The following TCP1 variants were observed in gnomAD, a reference collection of about 807,000 sequenced individuals.
The protein encoded by TCP1 is t-complex 1.
A neutral mutation model predicts 54.7 loss-of-function variants in TCP1; 6 were observed. That is an observed-to-expected ratio of 0.11 (90% CI 0.06 to 0.22). The LOEUF (loss-of-function observed/expected upper bound fraction) is 0.22, where lower values mean the gene tolerates loss of function less well. TCP1 is among the 10% of genes least tolerant of loss of function. The pLI is 1.00. For missense variants in TCP1, 511 were observed against 678.2 expected (o/e 0.75, Z 2.74); for synonymous variants, 225 against 229.7 (o/e 0.98, Z 0.19).
At chr6:159,787,698 C>T (rs749899903) in intron 3 of TCP1, 45 bp downstream of exon 3, 5 of 1,587,050 alleles carry the variant, frequency 3.2e-6, no homozygotes, top group East Asian at 2.3e-5. Flanking sequence ...TTCTGAAAGT[C>T]GGTCGTTTTT....
chr6:159,787,945 T>G (rs1199335667), intron 2 of TCP1, 74 bp from the exon 3 acceptor site: 3 of 1,606,568 alleles, frequency 1.9e-6, no homozygotes, highest in South Asian at 1.1e-5. Context: ...CACGTTCACC[T>G]TTAATATCAC....
At chr6:159,782,109 T>C (rs762424551) in intron 7 of TCP1, among the ~76,000 whole-genome samples, 10 of 152,170 alleles carry the variant, frequency 6.6e-5, no homozygotes, top group Non-Finnish European at 1.2e-4. Context: ...GAGAGTTTAG[T>C]TGAGGACAAG....
Position 159,779,393 on chromosome 6 carries a change from CA to C in TCP1, c.1455-133del. On this transcript the variant is annotated intron_variant, in intron 11 of 11. Coordinates refer to ENST00000321394, the MANE Select transcript of TCP1 (RefSeq NM_030752.3). ...GAGATCTTGTAGGTAGTCTTTCTAC[CA>C]AAAGAAGCAGGGAGAGATTAGCAAT... The C allele has an allele frequency of 2.0e-6, 2 of 990,746 alleles. 1 individual carries two copies. Among genetic ancestry groups the C allele is most frequent in the South Asian group, 3.3e-5 (2 of 61,140 alleles). The allele number at this position is 990,746 out of a possible 1,614,324, so 61.4% of individuals were successfully genotyped here. A position where few individuals can be genotyped will look rare whatever the true frequency, so the allele number is the denominator to read the frequency against.
Position 159,778,883 on chromosome 6 carries a change from G to A in TCP1, c.*162C>T. On this transcript the variant is annotated 3_prime_UTR_variant, in exon 12 of 12. Transcript: ENST00000321394. ...TCTTTTTAAACTAATAAAGTACTAG[G>A]TTGCAATATGTGAAATCAGAGGACC... 3 of 1,607,170 alleles carry A rather than the reference G, an allele frequency of 1.9e-6. No homozygotes were observed. The highest frequency in any genetic ancestry group is 2.6e-6 in the Non-Finnish European group (3 of 1,175,352).
At chr6:159,787,948 A>C (rs752599268) in intron 2 of TCP1, 77 bp from the exon 3 acceptor site, 24 of 1,605,928 alleles carry the variant, frequency 1.5e-5, no homozygotes, top group Non-Finnish European at 2.6e-6. Flanking sequence ...GTTCACCTTT[A>C]ATATCACCTT....
chr6:159,778,761 AGTC>A lies in TCP1; in HGVS notation c.*281_*283del. On this transcript the variant is annotated 3_prime_UTR_variant, in exon 12 of 12. Transcript: ENST00000321394. ...ACACACACTGGAGAGAATGGGCAGAAGTCGTGGTGTTGCAGCCCTGTGCATTGG... is the reference window on the plus strand; with the variant it reads ...ACACACACTGGAGAGAATGGGCAGAAGTGGTGTTGCAGCCCTGTGCATTGG... The A allele has an allele frequency of 2.5e-6, 4 of 1,614,244 alleles. No individual in the cohort carries two copies. Among genetic ancestry groups the A allele is most frequent in the Non-Finnish European group, 3.4e-6 (4 of 1,180,038 alleles).
intron 7 of TCP1, among the ~76,000 whole-genome samples, chr6:159,781,916 CTG>C (rs536911190): frequency 6.6e-6 from 1 of 152,182 alleles, no homozygotes; most frequent in Non-Finnish European, 1.5e-5. Context: ...AGTATATCAT[CTG>C]TGTTTTCAAA....
intron 5 of TCP1, 75 bp downstream of exon 5, chr6:159,785,311 G>A: frequency 8.9e-7 from 1 of 1,119,516 alleles, no homozygotes; most frequent in Non-Finnish European, 1.3e-6. Flanking sequence ...GGGACTACAG[G>A]CACATACCAC....
chr6:159,785,585 CG>C (rs777353778), intron 4 of TCP1, 89 bp from the exon 5 acceptor site: 2 of 1,055,412 alleles, frequency 1.9e-6, no homozygotes, highest in African/African-American at 1.6e-5. Flanking sequence ...GCCAAAATGT[CG>C]TAAGTAATAA....
At position 159,780,009 on chromosome 6, in the gene TCP1, T is replaced by C; in HGVS notation, c.1176A>G (p.Leu392=). The C allele has an allele frequency of 6.2e-7, 1 of 1,614,154 alleles. No homozygotes were observed. The highest frequency in any genetic ancestry group is 1.1e-5 in the South Asian group (1 of 91,084). ...TCTTCACTACACAAAGTGCATCATG[T>C]AAAGAGCGCTCCATCTCATCACACA... ...DFMCDEMERS[L]HDALCVVKRV... The change falls in exon 10 of 12, where the codon TTA becomes TTG. Residue 392 remains leucine, a synonymous_variant. Coordinates refer to ENST00000321394, the MANE Select transcript of TCP1 (RefSeq NM_030752.3).
At chr6:159,788,397 G>A (rs1240856886) in intron 1 of TCP1, 2 of 407,514 alleles carry the variant, frequency 4.9e-6, no homozygotes, top group Non-Finnish European at 9.1e-6. Context: ...AGACCCCTTT[G>A]GGCAACATAG....
chr6:159,788,062 A>G lies in TCP1; in HGVS notation c.146T>C (p.Ile49Thr). Residue 49 changes from isoleucine (I) to threonine (T), a missense_variant, in exon 2 of 12, where the codon ATT (isoleucine) becomes ACT (threonine). Physicochemically the swap from Ile to Thr is moderately conservative, Grantham distance 89 (BLOSUM62 -1). Around this residue, in one of 5 missense-constraint regions of TCP1, gnomAD observed 54 missense variants for 111.8 expected, o/e 0.48. Transcript: ENST00000321394. Reference sequence around the variant, plus strand: ...ACAACAGTTATGTGTACTTACACCAATATCATCCACCAACATTTTATCCAA... The same window carrying G: ...ACAACAGTTATGTGTACTTACACCAGTATCATCCACCAACATTTTATCCAA... ...VGLDKMLVDDIGDVTITNDGA... is the reference protein window; with the variant it reads ...VGLDKMLVDDTGDVTITNDGA... The G allele has an allele frequency of 1.2e-6, 2 of 1,614,086 alleles. No individual in the cohort carries two copies. The highest frequency in any genetic ancestry group is 1.1e-5 in the South Asian group (1 of 91,072).
chr6:159,788,354 G>A (rs914367615), intron 1 of TCP1: 4 of 489,702 alleles, frequency 8.2e-6, no homozygotes, highest in African/African-American at 3.9e-5. Context: ...CTGCGAGGCC[G>A]AGGCAGGAGG....
intron 5 of TCP1, chr6:159,785,057 A>C (rs1056903914): frequency 3.2e-6 from 2 of 624,914 alleles, no homozygotes; most frequent in Non-Finnish European, 5.6e-6. Context: ...CACCCTAAAA[A>C]AGCAGGGAAG....
chr6:159,780,372 AAATG>A, intron 9 of TCP1, 67 bp downstream of exon 9: 2 of 1,607,380 alleles, frequency 1.2e-6, no homozygotes, highest in Middle Eastern at 1.7e-4. Flanking sequence ...AGCAGCAAAT[AAATG>A]GGAAGAAAAC....
chr6:159,786,513 G>A (rs2114996918), intron 3 of TCP1, among the ~76,000 whole-genome samples: 1 of 152,288 alleles, frequency 6.6e-6, no homozygotes, highest in South Asian at 2.1e-4. Context: ...TAAACCGAGT[G>A]TGACTATTCA....
In TCP1 at chr6:159,781,082, G is replaced by C. The variant is rs1466431906; in HGVS notation, c.826C>G (p.Gln276Glu). 24 of 1,608,554 alleles carry C rather than the reference G, an allele frequency of 1.5e-5. No homozygotes were observed. The highest frequency in any genetic ancestry group is 2.0e-5 in the Non-Finnish European group (23 of 1,178,396). The change falls in exon 8 of 12, where the codon CAG becomes GAG. Residue 276 changes from glutamine to glutamate, a missense_variant. By Grantham distance (29) the Gln-to-Glu change is conservative (BLOSUM62 2). Coordinates refer to ENST00000321394, the MANE Select transcript of TCP1 (RefSeq NM_030752.3). Reference protein sequence around the residue: ...RESDITKERIQKILATGANVI... With the variant: ...RESDITKERIEKILATGANVI... ...TTGGCACCAGTTGCCAGGATCTTCTGAATTCTCTCCTTGGTGATATCTGAT... is the reference window on the plus strand; with the variant it reads ...TTGGCACCAGTTGCCAGGATCTTCTCAATTCTCTCCTTGGTGATATCTGAT...
In TCP1 at chr6:159,785,468, G is replaced by A; in HGVS notation, c.406C>T (p.Leu136=). ...CCCAGTTCATCTGTGTTAACAATTA[G>A]GTTTTCATTGATATAACGCACTGCT... ...KEAVRYINEN[L]IVNTDELGRD... Residue 136 remains leucine (L), a synonymous_variant, in exon 5 of 12, where the codon CTA becomes TTA. Coordinates refer to ENST00000321394, the MANE Select transcript of TCP1 (RefSeq NM_030752.3). The A allele has an allele frequency of 6.2e-7, 1 of 1,613,844 alleles. No individual in the cohort carries two copies. The highest frequency in any genetic ancestry group is 8.5e-7 in the Non-Finnish European group (1 of 1,179,926).
chr6:159,779,265 C>A lies in TCP1; in HGVS notation c.1455-4G>T. 1 of 1,610,352 alleles carries A rather than the reference C, an allele frequency of 6.2e-7. No homozygotes were observed. The highest frequency in any genetic ancestry group is 8.5e-7 in the Non-Finnish European group (1 of 1,177,998). On this transcript the variant is annotated splice_polypyrimidine_tract_variant and splice_region_variant and intron_variant, in intron 11 of 11. Coordinates refer to ENST00000321394, the MANE Select transcript of TCP1 (RefSeq NM_030752.3). ...ATTGCTCAAATCAAGACCAATCCTGCAATTAAGAAAGAATTATTTAACGGC... is the reference window on the plus strand; with the variant it reads ...ATTGCTCAAATCAAGACCAATCCTGAAATTAAGAAAGAATTATTTAACGGC...
Sources: gnomAD v4.1 joint callset for allele counts (sites outside exome capture counted in the v4.1 genomes callset) on GRCh38, gnomAD v4.1.1 for gene constraint, gnomAD v4.1.1 regional missense constraint, MANE v1.5 for transcripts, NCBI Gene and HGNC (gene_info 2026-07-23, HGNC 2026-07-21) for gene names.